Variants in DOCK3 observed in about 807,000 individuals in gnomAD.
DOCK3 encodes dedicator of cytokinesis 3, also known as dedicator of cytokinesis protein 3.
In DOCK3, 60 loss-of-function variants were observed where a neutral mutation model predicts 265.6. That is an observed-to-expected ratio of 0.23 (90% CI 0.18 to 0.28). The LOEUF (loss-of-function observed/expected upper bound fraction) is 0.28, where lower values mean the gene tolerates loss of function less well. Ranked by LOEUF, DOCK3 falls within the 10% of genes least tolerant of loss-of-function variation. The pLI is 1.00. For synonymous variants in DOCK3, 881 were observed against 938.0 expected, an observed-to-expected ratio of 0.94 and a Z score of 1.11; for missense variants, 1,981 against 2,594.3, an observed-to-expected ratio of 0.76 and a Z score of 5.14.
chr3:51,262,993 T>A (rs529122384), intron 23 of DOCK3, among the ~76,000 whole-genome samples: 27 of 152,244 alleles, frequency 1.8e-4, no homozygotes, highest in African/African-American at 5.8e-4. Flanking sequence ...TGGAAAACAC[T>A]CTTCAGGATA....
At chr3:51,330,731 G>T (rs1263962748) in intron 33 of DOCK3, among the ~76,000 whole-genome samples, 1 of 152,156 alleles carries the variant, frequency 6.6e-6, no homozygotes, top group African/African-American at 2.4e-5. Context: ...TGATGTCAGG[G>T]TTCTTCTGGA....
intron 27 of DOCK3, among the ~76,000 whole-genome samples, chr3:51,290,946 C>T (rs750854803): frequency 2.0e-4 from 30 of 151,984 alleles, no homozygotes; most frequent in African/African-American, 5.1e-4. Context: ...GGCGTGGTGG[C>T]GGGCACCTGT....
intron 1 of DOCK3, among the ~76,000 whole-genome samples, chr3:50,754,751 G>T (rs1240463000): frequency 1.3e-5 from 2 of 151,768 alleles, no homozygotes; most frequent in African/African-American, 2.4e-5. Context: ...TAGAGATGGG[G>T]TTTCACCATG....
rs530648510 is a variant in DOCK3, at chr3:50,897,736, A to G, written c.218+7655A>G. On this transcript the variant is annotated intron_variant, in intron 4 of 52. Coordinates refer to ENST00000266037, the MANE Select transcript of DOCK3 (RefSeq NM_004947.5). Reference sequence around the variant, plus strand: ...CTTTTCTGCATCTATTGAGATAATCATGTGGTTTTTATCATTGGTTCTGTT... The same window carrying G: ...CTTTTCTGCATCTATTGAGATAATCGTGTGGTTTTTATCATTGGTTCTGTT... Among the ~76,000 whole-genome samples, 840 of 139,668 alleles carry G rather than the reference A, an allele frequency of 6.0e-3. 6 individuals carry two copies. Among genetic ancestry groups the G allele is most frequent in the African/African-American group, 0.021 (786 of 36,888 alleles). The allele number at this position is 139,668 out of a possible 152,430, so 91.6% of individuals were successfully genotyped here. A position where few individuals can be genotyped will look rare whatever the true frequency, so the allele number is the denominator to read the frequency against.
intron 15 of DOCK3, among the ~76,000 whole-genome samples, chr3:51,226,820 G>C (rs560114216): frequency 6.6e-6 from 1 of 152,326 alleles, no homozygotes; most frequent in Non-Finnish European, 1.5e-5. Context: ...TCTAAAGAAA[G>C]TCAGCCAGGG....
intron 12 of DOCK3, among the ~76,000 whole-genome samples, chr3:51,203,762 T>G (rs1004305598): frequency 6.6e-6 from 1 of 152,126 alleles, no homozygotes; most frequent in Admixed American, 6.6e-5. Flanking sequence ...TGACTTCAAA[T>G]TATACTACAA....
chr3:50,725,777 A>G (rs1193522754), intron 1 of DOCK3, among the ~76,000 whole-genome samples: 3 of 152,152 alleles, frequency 2.0e-5, no homozygotes, highest in African/African-American at 7.2e-5. Context: ...CCTGTCTGCT[A>G]TGAGGGATTG....
chr3:50,680,245 C>T (rs1412646510), intron 1 of DOCK3, among the ~76,000 whole-genome samples: 2 of 147,140 alleles, frequency 1.4e-5, no homozygotes, highest in Non-Finnish European at 3.0e-5. Context: ...AGAGTCTTGC[C>T]GTGATGCCCA....
chr3:51,201,891 T>C (rs2088801823), intron 12 of DOCK3, among the ~76,000 whole-genome samples: 1 of 152,104 alleles, frequency 6.6e-6, no homozygotes. Flanking sequence ...CTCAACTACA[T>C]GGAGACTGAA....
At chr3:51,272,048 C>G (rs1215774014) in intron 24 of DOCK3, among the ~76,000 whole-genome samples, 1 of 152,142 alleles carries the variant, frequency 6.6e-6, no homozygotes, top group African/African-American at 2.4e-5. Context: ...CTGTCTTTCA[C>G]AAAGAACTTC....
chr3:51,030,405 C>T (rs761293057), intron 5 of DOCK3, among the ~76,000 whole-genome samples: 14 of 152,254 alleles, frequency 9.2e-5, no homozygotes, highest in Middle Eastern at 3.4e-3. Flanking sequence ...AGAGTGCTCA[C>T]CTTATCCCCT....
intron 26 of DOCK3, 38 bp from the exon 27 acceptor site, chr3:51,280,068 A>G (rs1483088855): frequency 7.6e-6 from 12 of 1,571,736 alleles, no homozygotes; most frequent in African/African-American, 4.1e-5. Flanking sequence ...AGCCCTTGCA[A>G]TTGGCCATGC....
intron 46 of DOCK3, among the ~76,000 whole-genome samples, chr3:51,358,884 A>G (rs748856766): frequency 2.0e-4 from 31 of 152,218 alleles, no homozygotes; most frequent in Non-Finnish European, 3.8e-4. Flanking sequence ...CCCTATTCAC[A>G]TATCCAAACC....
chr3:50,855,584 G>A (rs2107444701), intron 3 of DOCK3, among the ~76,000 whole-genome samples: 1 of 152,224 alleles, frequency 6.6e-6, no homozygotes, highest in Middle Eastern at 3.4e-3. Context: ...GAATATTTTA[G>A]GGATAGGGTC....
intron 3 of DOCK3, among the ~76,000 whole-genome samples, chr3:50,850,571 C>G (rs1030978707): frequency 1.1e-4 from 17 of 152,082 alleles, no homozygotes; most frequent in Non-Finnish European, 2.5e-4. Context: ...TTTCATGGTG[C>G]CAGAATTCTT....
chr3:50,826,413 G>A (rs917067452), intron 2 of DOCK3, among the ~76,000 whole-genome samples: 12 of 152,058 alleles, frequency 7.9e-5, no homozygotes, highest in Admixed American at 2.0e-4. Context: ...CAAATGATAC[G>A]GTGAGATCTC....
In DOCK3 at chr3:51,150,963, T is replaced by A. The variant is rs189902110; in HGVS notation, c.828+4333T>A. On this transcript the variant is annotated intron_variant, in intron 10 of 52. Coordinates refer to ENST00000266037, the MANE Select transcript of DOCK3 (RefSeq NM_004947.5). ...GTTAAAGTCTCCCATTATTATTGTGTGGGAGTCTAAGTCTCTTTGTAGGTC... is the reference window on the plus strand; with the variant it reads ...GTTAAAGTCTCCCATTATTATTGTGAGGGAGTCTAAGTCTCTTTGTAGGTC... Among the ~76,000 whole-genome samples the A allele has an allele frequency of 6.6e-3, 1,008 of 152,322 alleles. 6 individuals carry two copies. The highest frequency in any genetic ancestry group is 0.023 in the African/African-American group (943 of 41,578).
intron 2 of DOCK3, among the ~76,000 whole-genome samples, chr3:50,799,651 A>C (rs2042972174): frequency 6.6e-6 from 1 of 152,190 alleles, no homozygotes. Context: ...TGTCATCTGC[A>C]AACAGGGACA....
Position 51,058,552 on chromosome 3 carries a change from A to G in DOCK3, c.316-5896A>G, listed in dbSNP as rs568150796. On this transcript the variant is annotated intron_variant, in intron 5 of 52. Transcript: ENST00000266037. ...GTATTACATGTGTATGTGTGTATAT[A>G]TGTACATGTATATGCATTAATATAC... 4.6e-5 allele frequency among the ~76,000 whole-genome samples: 7 copies of G among 152,340 alleles called. No individual in the cohort carries two copies. In the East Asian group the frequency reaches 1.3e-3, roughly 29 times the overall value.
Sources: gnomAD v4.1 joint callset for allele counts (sites outside exome capture counted in the v4.1 genomes callset) on GRCh38, gnomAD v4.1.1 for gene constraint, MANE v1.5 for transcripts, NCBI Gene and HGNC (gene_info 2026-07-23, HGNC 2026-07-21) for gene names.